Variants in TCF20 observed in about 807,000 individuals in gnomAD.
TCF20 encodes transcription factor 20, also known as SPRE-binding protein.
TCF20 carries 3 observed loss-of-function variants against 148.6 expected under a neutral mutation model. That is an observed-to-expected ratio of 0.02 (90% CI 0.01 to 0.05). The LOEUF is 0.05. Ranked by LOEUF, TCF20 falls within the 10% of genes least tolerant of loss-of-function variation. The pLI, the probability that TCF20 is intolerant of heterozygous loss-of-function variation, is 1.00. For missense variants in TCF20, 2,350 were observed against 2,429.3 expected (o/e 0.97, Z 0.69); for synonymous variants, 1,049 against 909.5 (o/e 1.15, Z -2.76).
chr22:42,325,399 C>A (rs946215797), intron 1 of TCF20, among the ~76,000 whole-genome samples: 7 of 152,014 alleles, frequency 4.6e-5, no homozygotes, highest in African/African-American at 1.7e-4. Context: ...AGGTGGGGCC[C>A]TTGGGGCCAG....
intron 5 of TCF20, among the ~76,000 whole-genome samples, chr22:42,163,398 A>G (rs921849461): frequency 6.6e-6 from 1 of 152,224 alleles, no homozygotes; most frequent in African/African-American, 2.4e-5. Context: ...CAAACACACG[A>G]TATCCTGAAT....
At chr22:42,227,360 C>T (rs970711199) in intron 1 of TCF20, among the ~76,000 whole-genome samples, 4 of 152,316 alleles carry the variant, frequency 2.6e-5, no homozygotes, top group African/African-American at 4.8e-5. Flanking sequence ...CCTCTTTCAA[C>T]GAGATTCTCC....
At chr22:42,283,966 A>C (rs1366571872) in exon 1 of TCF20, among the ~76,000 whole-genome samples, 2 of 152,226 alleles carry the variant, frequency 1.3e-5, no homozygotes, top group Non-Finnish European at 2.9e-5. Context: ...AAAGGGGGGC[A>C]GTTTCTCGGC....
At chr22:42,310,868 C>T (rs1043573393) in intron 1 of TCF20, among the ~76,000 whole-genome samples, 17 of 152,224 alleles carry the variant, frequency 1.1e-4, no homozygotes, top group African/African-American at 2.7e-4. Flanking sequence ...CCCGCCTGCC[C>T]GCCCTCTTTT....
chr22:42,283,512 C>A (rs1926957996), intron 1 of TCF20, among the ~76,000 whole-genome samples: 1 of 152,180 alleles, frequency 6.6e-6, no homozygotes, highest in South Asian at 2.1e-4. Context: ...GCAGCCCCCT[C>A]GGGCCCCTCC....
At chr22:42,266,533 G>A (rs773185297) in intron 1 of TCF20, among the ~76,000 whole-genome samples, 13 of 152,174 alleles carry the variant, frequency 8.5e-5, no homozygotes, top group East Asian at 1.9e-4. Flanking sequence ...GGGAGGCTGA[G>A]GCAGGCTGAT....
chr22:42,283,600 A>T (rs1926960505), intron 1 of TCF20, among the ~76,000 whole-genome samples: 1 of 151,778 alleles, frequency 6.6e-6, no homozygotes, highest in Admixed American at 6.5e-5. Flanking sequence ...TGGCAGTTTC[A>T]AAGCTACAGC....
intron 1 of TCF20, among the ~76,000 whole-genome samples, chr22:42,277,822 G>C (rs1926813636): frequency 6.6e-6 from 1 of 152,234 alleles, no homozygotes; most frequent in South Asian, 2.1e-4. Flanking sequence ...CTGAACCTCA[G>C]TCATCAGGGT....
rs542687819 is a variant in TCF20 at position 42,177,107 on chromosome 22, T to G, written c.5749+2502A>C. ...TTACTGAGCACCCCATATCTACAAT[T>G]ACTGTCCATTAAAAAAAGTAAAAAA... On this transcript the variant is annotated intron_variant, in intron 3 of 5. Coordinates refer to ENST00000677622, the MANE Select transcript of TCF20 (RefSeq NM_001378418.1). Among the ~76,000 whole-genome samples the G allele has an allele frequency of 2.0e-5, 3 of 152,232 alleles. No homozygotes were observed. The East Asian group carries it at 5.8e-4, about 29-fold the overall frequency.
chr22:42,322,321 C>T (rs1029399400), intron 1 of TCF20, among the ~76,000 whole-genome samples: 1 of 151,858 alleles, frequency 6.6e-6, no homozygotes, highest in African/African-American at 2.4e-5. Flanking sequence ...GTGAGCCCAG[C>T]ATGCACCATA....
chr22:42,337,982 C>A (rs1928094846), intron 1 of TCF20, among the ~76,000 whole-genome samples: 1 of 152,206 alleles, frequency 6.6e-6, no homozygotes, highest in Admixed American at 6.5e-5. Context: ...TCCAGGGAAG[C>A]CTTTGACGGG....
In TCF20 at chr22:42,212,148, G is replaced by A; in HGVS notation, c.3158C>T (p.Ser1053Phe). The change falls in exon 2 of 6, where the codon TCT (serine) becomes TTT (phenylalanine). Residue 1053 changes from serine to phenylalanine, a missense_variant. Transcript: ENST00000677622. Reference protein sequence around the residue: ...ANRSSLHTPFSPNSETLASAY... With the variant: ...ANRSSLHTPFFPNSETLASAY... ...AGAGGCCAGGGTTTCTGAGTTGGGA[G>A]AAAAGGGAGTGTGTAAAGAACTCCG... 1.2e-6 allele frequency: 2 copies of A among 1,614,200 alleles called. No individual in the cohort carries two copies. The highest frequency in any genetic ancestry group is 1.7e-6 in the Non-Finnish European group (2 of 1,180,040).
rs769470355 is a variant in TCF20 at position 42,213,041 on chromosome 22, T to C, written c.2265A>G (p.Glu755=). Residue 755 remains glutamate (E), a synonymous_variant, in exon 2 of 6, where the codon GAA becomes GAG. Transcript: ENST00000677622. ...GGTGGTGGTGGTAACCCTGAAGCAC[T>C]TCCTGCAGGAGGCTTGGGAATTTTT... ...RNEKFPSLLQ[E]VLQGYHHHPD... The C allele has an allele frequency of 4.8e-5, 78 of 1,614,004 alleles. No individual in the cohort carries two copies. The highest frequency in any genetic ancestry group is 1.5e-5 in the Non-Finnish European group (18 of 1,180,008).
At chr22:42,305,039 T>G (rs1039725775) in intron 1 of TCF20, among the ~76,000 whole-genome samples, 2 of 152,030 alleles carry the variant, frequency 1.3e-5, no homozygotes, top group African/African-American at 4.8e-5. Flanking sequence ...GTGGGGTGTT[T>G]GAGCACACAG....
chr22:42,284,136 G>A (rs1926976613), upstream of TCF20, among the ~76,000 whole-genome samples: 1 of 152,138 alleles, frequency 6.6e-6, no homozygotes, highest in Admixed American at 6.5e-5. Flanking sequence ...GATGGATGGA[G>A]GAGGGAGGGG....
intron 5 of TCF20, among the ~76,000 whole-genome samples, chr22:42,162,691 TTCC>T (rs1267427930): frequency 6.6e-6 from 1 of 152,178 alleles, no homozygotes; most frequent in African/African-American, 2.4e-5. Context: ...ACCTAACTGC[TTCC>T]TCAAGACCAA....
At chr22:42,186,959 C>T (rs1246047712) in intron 2 of TCF20, among the ~76,000 whole-genome samples, 2 of 152,202 alleles carry the variant, frequency 1.3e-5, no homozygotes, top group African/African-American at 4.8e-5. Flanking sequence ...AGAAAAACCG[C>T]CTCACAGGCT....
rs3045578 is a variant in TCF20 at position 42,243,292 on chromosome 22, C to CAAA, written c.-37+27044_-37+27046dup. On this transcript the variant is annotated intron_variant, in intron 1 of 5. Transcript: ENST00000677622. ...TGGCTGGCAGAGCAAGACACTGTCTCAAAAAAAAAAAAAAAAAAAAAAAAA... is the reference window on the plus strand; with the variant it reads ...TGGCTGGCAGAGCAAGACACTGTCTCAAAAAAAAAAAAAAAAAAAAAAAAAAAA... Among the ~76,000 whole-genome samples, 94 of 39,500 alleles carry CAAA rather than the reference C, an allele frequency of 2.4e-3. 24 individuals carry two copies. Among genetic ancestry groups the CAAA allele is most frequent in the East Asian group, 4.4e-3 (3 of 678 alleles). 25.9% of individuals were successfully genotyped at this position (39,500 alleles called of 152,430 possible).
chr22:42,252,375 A>G (rs1925449383), intron 1 of TCF20, among the ~76,000 whole-genome samples: 1 of 152,142 alleles, frequency 6.6e-6, no homozygotes, highest in Non-Finnish European at 1.5e-5. Flanking sequence ...AGTCTTTGGG[A>G]GAGCTAACAC....
Sources: allele counts gnomAD v4.1 joint callset (sites outside exome capture counted in the v4.1 genomes callset), GRCh38; gene constraint gnomAD v4.1.1; transcripts MANE v1.5; gene names NCBI Gene and HGNC (gene_info 2026-07-23, HGNC 2026-07-21).